The following CELSR1 variants were observed in gnomAD, a reference collection of about 807,000 sequenced individuals.
CELSR1 encodes the protein cadherin EGF LAG seven-pass G-type receptor 1.
In CELSR1, 110 loss-of-function variants were observed where a neutral mutation model predicts 249.1. The ratio of observed to expected loss-of-function variants is 0.44; its 90% CI spans 0.38 to 0.52. CELSR1 has a LOEUF of 0.52. Among genes scored for constraint, CELSR1 ranks in the 20% least tolerant of loss-of-function variants. The pLI, the probability that CELSR1 is intolerant of heterozygous loss-of-function variation, is 0.00. For synonymous variants in CELSR1, 2,113 were observed against 1,900.0 expected (o/e 1.11, Z -2.92); for missense variants, 4,109 against 4,296.4 (o/e 0.96, Z 1.22).
In CELSR1 at chr22:46,446,536, C is replaced by G. The variant is rs2079822896; in HGVS notation, c.4184-7125G>C. 6.6e-6 allele frequency among the ~76,000 whole-genome samples: 1 copy of G among 152,128 alleles called. No individual in the cohort carries two copies. Among genetic ancestry groups the G allele is most frequent in the Admixed American group, 6.6e-5 (1 of 15,262 alleles). On this transcript the variant is annotated intron_variant, in intron 2 of 34. Transcript: ENST00000674500. This position sits in a 1 kb window ranked among gnomAD's most constrained non-coding sequence, Gnocchi z 5.5. ...GGCCAGTCTGAGACTGTCAGGCACA[C>G]AGCGAGTGCCGAATAAATGCCTGGT...
chr22:46,373,254 C>CCA (rs1461204712), intron 24 of CELSR1, among the ~76,000 whole-genome samples, 197 bp from the exon 25 acceptor site: 1 of 152,182 alleles, frequency 6.6e-6, no homozygotes, highest in African/African-American at 2.4e-5. Flanking sequence ...AGCAGCTGAG[C>CCA]CAGCAGGTGA....
intron 1 of CELSR1, among the ~76,000 whole-genome samples, chr22:46,519,647 C>T (rs2080664531): frequency 2.0e-5 from 3 of 152,156 alleles, no homozygotes; most frequent in Admixed American, 2.0e-4. Flanking sequence ...ACCCAGGGAC[C>T]CCCTCCCATG....
chr22:46,369,359 C>T (rs1346296381), intron 26 of CELSR1, 101 bp from the exon 27 acceptor site: 2 of 1,038,076 alleles, frequency 1.9e-6, no homozygotes, highest in Non-Finnish European at 2.9e-6. Flanking sequence ...GGAGGGGTGG[C>T]TGGGTGAGGA....
chr22:46,522,833 C>G (rs2080699468), intron 1 of CELSR1, among the ~76,000 whole-genome samples: 1 of 152,210 alleles, frequency 6.6e-6, no homozygotes, highest in South Asian at 2.1e-4. Context: ...GTCAGGCAAT[C>G]TGAACGGGGC....
At position 46,396,645 on chromosome 22, in the gene CELSR1, C is replaced by T. The variant is rs369116284; in HGVS notation, c.5803G>A (p.Glu1935Lys). 9 of 1,609,366 alleles carry T rather than the reference C, an allele frequency of 5.6e-6. No homozygotes were observed. Among genetic ancestry groups the T allele is most frequent in the Admixed American group, 1.7e-5 (1 of 59,448 alleles). ...GGCCCGTAGTGACTGGGCCCACACT[C>T]GCACACGTAGCCCTGCGGGGAGCCG... ...SPGSPQGYVC[E>K]CGPSHYGPYC... Residue 1935 changes from glutamate (E) to lysine (K), a missense_variant, in exon 13 of 35, where the codon GAG becomes AAG. By Grantham distance (56) the Glu-to-Lys change is moderately conservative. Transcript: ENST00000674500. This position sits in a 1 kb window ranked among gnomAD's most constrained non-coding sequence, Gnocchi z 6.4.
rs1413327396 is a variant in CELSR1, at chr22:46,500,706, C to A, written c.3544+32921G>T. ...TCTTACTTTATTATAATTATCTGGTCTGTTTTCTGGGTGACCTGGGAGCCT... is the reference window on the plus strand; with the variant it reads ...TCTTACTTTATTATAATTATCTGGTATGTTTTCTGGGTGACCTGGGAGCCT... On this transcript the variant is annotated intron_variant, in intron 1 of 34. Transcript: ENST00000674500. This position sits in a 1 kb window ranked among gnomAD's most constrained non-coding sequence, Gnocchi z 4.9. 6.6e-6 allele frequency among the ~76,000 whole-genome samples: 1 copy of A among 152,176 alleles called. No homozygotes were observed. The highest frequency in any genetic ancestry group is 2.4e-5 in the African/African-American group (1 of 41,446).
Position 46,407,518 on chromosome 22 carries a change from A to G in CELSR1, c.5226+1478T>C, listed in dbSNP as rs957034971. The stretch of plus-strand genomic sequence containing the variant: ...GTGGTGGTGAGCTCCTGTAATCCCA[A>G]CTACAATGGAGGCTGAGGCAGGAGA... On this transcript the variant is annotated intron_variant, in intron 9 of 34. Coordinates refer to ENST00000674500, the MANE Select transcript of CELSR1 (RefSeq NM_001378328.1). This position sits in a 1 kb window ranked among gnomAD's most constrained non-coding sequence, Gnocchi z 4.8. Among the ~76,000 whole-genome samples, 1 of 152,090 alleles carries G rather than the reference A, an allele frequency of 6.6e-6. No homozygotes were observed. Among genetic ancestry groups the G allele is most frequent in the Non-Finnish European group, 1.5e-5 (1 of 68,004 alleles).
In CELSR1 at chr22:46,391,170, G is replaced by A. The variant is rs2079086385; in HGVS notation, c.6250+16C>T. The A allele has an allele frequency of 6.2e-7, 1 of 1,606,240 alleles. No individual in the cohort carries two copies. On this transcript the variant is annotated intron_variant, in intron 16 of 34. Transcript: ENST00000674500. The surrounding 1 kb of genome is among the most constrained non-coding windows in gnomAD (Gnocchi z 4.3). ...CGCCTGCCTCAGTTCCCTACACACA[G>A]GCCACGGCGACTCACCAACGGATCC... is the stretch of plus-strand genomic sequence containing the variant.
At chr22:46,520,754 A>C (rs548836490) in intron 1 of CELSR1, among the ~76,000 whole-genome samples, 15 of 152,072 alleles carry the variant, frequency 9.9e-5, no homozygotes, top group African/African-American at 3.6e-4. Flanking sequence ...GGCCCACTGT[A>C]ACCATTTTTA....
Position 46,512,015 on chromosome 22 carries a change from T to C in CELSR1, c.3544+21612A>G, listed in dbSNP as rs1302165413. On this transcript the variant is annotated intron_variant, in intron 1 of 34. Coordinates refer to ENST00000674500, the MANE Select transcript of CELSR1 (RefSeq NM_001378328.1). This position sits in a 1 kb window ranked among gnomAD's most constrained non-coding sequence, Gnocchi z 5.2. ...AATTCTGCCAGGATGTCCTTCATGCTGCCTCCGAGAAACGCAGCAAGTCAT... is the reference window on the plus strand; with the variant it reads ...AATTCTGCCAGGATGTCCTTCATGCCGCCTCCGAGAAACGCAGCAAGTCAT... 6.6e-6 allele frequency among the ~76,000 whole-genome samples: 1 copy of C among 152,116 alleles called. No homozygotes were observed. Among genetic ancestry groups the C allele is most frequent in the Non-Finnish European group, 1.5e-5 (1 of 67,992 alleles).
rs947932365 is a variant in CELSR1 at position 46,527,916 on chromosome 22, T to A, written c.3544+5711A>T. Reference sequence around the variant, plus strand: ...TTGGAGACCAGCCTGGCCAGCATGGTGAAACCCCATCTCTACAAAAATACA... The same window carrying A: ...TTGGAGACCAGCCTGGCCAGCATGGAGAAACCCCATCTCTACAAAAATACA... On this transcript the variant is annotated intron_variant, in intron 1 of 34. Transcript: ENST00000674500. The surrounding 1 kb of genome is among the most constrained non-coding windows in gnomAD (Gnocchi z 5.5). 2.6e-5 allele frequency among the ~76,000 whole-genome samples: 4 copies of A among 151,990 alleles called. No individual in the cohort carries two copies. The highest frequency in any genetic ancestry group is 1.3e-4 in the Admixed American group (2 of 15,254).
rs991972792 is a variant in CELSR1, at chr22:46,365,791, CCAA to C, written c.8301-105_8301-103del. ...CTCTGCCCCTACCCCTTCTGTGTTC[CCAA>C]CAACAGCACAGACAAAACAGCCTCC... On this transcript the variant is annotated intron_variant, in intron 30 of 34. Transcript: ENST00000674500. The C allele has an allele frequency of 7.6e-5, 58 of 765,348 alleles. No homozygotes were observed. In the Middle Eastern group the frequency reaches 1.4e-3, roughly 19 times the overall value. The allele number at this position is 765,348 out of a possible 1,614,324, so 47.4% of individuals were successfully genotyped here.
In CELSR1 at chr22:46,396,783, T is replaced by C. The variant is rs1284007533; in HGVS notation, c.5702-37A>G. ...GAGCCAGCATTACCTCCACCCACAATCCACGAGACCTTCCACGTTAAAATA... is the reference window on the plus strand; with the variant it reads ...GAGCCAGCATTACCTCCACCCACAACCCACGAGACCTTCCACGTTAAAATA... On this transcript the variant is annotated intron_variant, in intron 12 of 34. Transcript: ENST00000674500. The surrounding 1 kb of genome is among the most constrained non-coding windows in gnomAD (Gnocchi z 6.4). 5.0e-6 allele frequency: 8 copies of C among 1,601,280 alleles called. No individual in the cohort carries two copies. The highest frequency in any genetic ancestry group is 2.3e-5 in the East Asian group (1 of 44,096).
intron 1 of CELSR1, among the ~76,000 whole-genome samples, chr22:46,479,160 G>A (rs758074712): frequency 5.9e-5 from 9 of 151,624 alleles, no homozygotes; most frequent in East Asian, 3.9e-4. Flanking sequence ...TCACACCTGC[G>A]GCTGGTGCAG....
intron 1 of CELSR1, among the ~76,000 whole-genome samples, chr22:46,503,653 C>T (rs541889213): frequency 4.6e-5 from 7 of 152,302 alleles, no homozygotes; most frequent in South Asian, 2.1e-4. Context: ...TTTTAAAAAC[C>T]GAAAACGGGG....
chr22:46,507,468 G>C (rs4823830), intron 1 of CELSR1, among the ~76,000 whole-genome samples: 119,803 of 151,968 alleles, frequency 0.79, 47,427 homozygotes, highest in East Asian at 0.99. Context: ...TGCCCCAGCG[G>C]CTCCCTCCCT....
chr22:46,496,169 C>A (rs1479779757), intron 1 of CELSR1, among the ~76,000 whole-genome samples: 1 of 149,710 alleles, frequency 6.7e-6, no homozygotes, highest in African/African-American at 2.5e-5. Flanking sequence ...ACTCTGCACT[C>A]CAGCCTGGGC....
At chr22:46,509,336 G>C (rs931484315) in intron 1 of CELSR1, among the ~76,000 whole-genome samples, 9 of 152,214 alleles carry the variant, frequency 5.9e-5, no homozygotes, top group Non-Finnish European at 8.8e-5. Context: ...GGGTGCAGAG[G>C]GGGTGATGGG....
At position 46,369,163 on chromosome 22, in the gene CELSR1, G is replaced by A; in HGVS notation, c.7952+16C>T. The A allele has an allele frequency of 6.2e-7, 1 of 1,613,380 alleles. No individual in the cohort carries two copies. Among genetic ancestry groups the A allele is most frequent in the Non-Finnish European group, 8.5e-7 (1 of 1,179,392 alleles). On this transcript the variant is annotated intron_variant, in intron 27 of 34. Transcript: ENST00000674500. ...CCAGCCGACATGGCTGGCCGGTCAG[G>A]TTCAGCCCCACTTACACGATCCCTT...
Sources: allele counts gnomAD v4.1 joint callset (sites outside exome capture counted in the v4.1 genomes callset), GRCh38; gene constraint gnomAD v4.1.1; non-coding constraint Gnocchi (gnomAD v3.1); transcripts MANE v1.5; gene names NCBI Gene and HGNC (gene_info 2026-07-23, HGNC 2026-07-21).